Variants in DYM observed in about 807,000 individuals in gnomAD.
DYM encodes the protein dyggve-Melchior-Clausen syndrome protein.
DYM carries 78 observed loss-of-function variants against 93.1 expected under a neutral mutation model. The observed-to-expected ratio is 0.84, with a 90% CI of 0.70 to 1.01. The LOEUF (loss-of-function observed/expected upper bound fraction) is 1.01. DYM is among the 50% of genes least tolerant of loss of function. DYM has a pLI of 0.00. For synonymous variants in DYM, 321 were observed against 319.7 expected (o/e 1.00, Z -0.04); for missense variants, 789 against 845.0 (o/e 0.93, Z 0.82).
intron 16 of DYM, 171 bp downstream of exon 16, chr18:49,118,573 T>C (rs1408607147): frequency 7.6e-6 from 5 of 656,180 alleles, no homozygotes; most frequent in Admixed American, 7.2e-5. Flanking sequence ...TGTGTGTGTA[T>C]ATACAACACA....
chr18:49,269,351 C>T (rs989995577), intron 11 of DYM, among the ~76,000 whole-genome samples: 1 of 152,118 alleles, frequency 6.6e-6, no homozygotes, highest in Non-Finnish European at 1.5e-5. Context: ...CCCTTACACA[C>T]TGTTGGTGGA....
chr18:49,250,244 A>G (rs1334159953), intron 13 of DYM, among the ~76,000 whole-genome samples: 2 of 152,246 alleles, frequency 1.3e-5, no homozygotes, highest in African/African-American at 2.4e-5. Context: ...AGTAATGCAA[A>G]GAAATATAAA....
intron 7 of DYM, 70 bp from the exon 8 acceptor site, chr18:49,332,076 A>C: frequency 2.0e-6 from 3 of 1,479,480 alleles, no homozygotes; most frequent in Non-Finnish European, 2.8e-6. Context: ...AACAATACAG[A>C]AATAATTCTG....
At chr18:49,410,076 G>T (rs955567325) in intron 2 of DYM, among the ~76,000 whole-genome samples, 1 of 152,132 alleles carries the variant, frequency 6.6e-6, no homozygotes, top group African/African-American at 2.4e-5. Context: ...TTGTGTGTGT[G>T]TGTTTTAGAG....
intron 13 of DYM, among the ~76,000 whole-genome samples, chr18:49,235,015 G>A (rs747560234): frequency 1.3e-5 from 2 of 152,166 alleles, no homozygotes; most frequent in Non-Finnish European, 1.5e-5. Context: ...CAACCTTAAT[G>A]AGCCTAGTGG....
chr18:49,211,696 G>T (rs1757370091), intron 13 of DYM, among the ~76,000 whole-genome samples: 1 of 152,080 alleles, frequency 6.6e-6, no homozygotes, highest in Admixed American at 6.5e-5. Context: ...GACAGGGTGG[G>T]GAATGATGTA....
At chr18:49,117,473 G>C (rs1035517911) in intron 16 of DYM, among the ~76,000 whole-genome samples, 7 of 152,030 alleles carry the variant, frequency 4.6e-5, no homozygotes, top group Non-Finnish European at 1.0e-4. Flanking sequence ...ATCTTTATTA[G>C]CCATTTAGAG....
chr18:49,343,951 T>TAAAAAA (rs59054000), intron 6 of DYM, among the ~76,000 whole-genome samples: 2 of 135,348 alleles, frequency 1.5e-5, no homozygotes, highest in Non-Finnish European at 3.2e-5. Flanking sequence ...TACACCACAT[T>TAAAAAA]AAAAAAAAAA....
intron 2 of DYM, among the ~76,000 whole-genome samples, chr18:49,409,428 A>G (rs12604498): frequency 0.091 from 13,904 of 152,212 alleles, 860 homozygotes; most frequent in East Asian, 0.31. Flanking sequence ...ATGAGCCACA[A>G]TTCAGGAGGT....
intron 15 of DYM, among the ~76,000 whole-genome samples, chr18:49,146,745 A>C (rs2085188034): frequency 6.6e-6 from 1 of 152,242 alleles, no homozygotes; most frequent in Non-Finnish European, 1.5e-5. Context: ...AGGAAGAATC[A>C]ATATTGTGAT....
At position 49,441,106 on chromosome 18, in the gene DYM, T is replaced by TATATA. The variant is rs1288316096; in HGVS notation, c.-53-10660_-53-10659insTATAT. ...ATTATATATTATATATAAATATATATTAATATAAATATATTATATATTTAT... is the reference window on the plus strand; with the variant it reads ...ATTATATATTATATATAAATATATATATATATAATATAAATATATTATATATTTAT... On this transcript the variant is annotated intron_variant, in intron 1 of 17. Transcript: ENST00000675505. Among the ~76,000 whole-genome samples, 69 of 8,404 alleles carry TATATA rather than the reference T, an allele frequency of 8.2e-3. 3 individuals carry two copies. The highest frequency in any genetic ancestry group is 0.015 in the Non-Finnish European group (59 of 4,004). The allele number at this position is 8,404 out of a possible 152,430, so 5.5% of individuals were successfully genotyped here. A position where few individuals can be genotyped will look rare whatever the true frequency, so the allele number is the denominator to read the frequency against.
Position 49,233,800 on chromosome 18 carries a change from A to T in DYM, c.1460+23210T>A, listed in dbSNP as rs530557307. On this transcript the variant is annotated intron_variant, in intron 13 of 17. Transcript: ENST00000675505. ...GGTGAATTCTGGATTGCTAGATTGA[A>T]GGTCTCCTGGCAGCTTCTGAGAACC... 5.9e-5 allele frequency among the ~76,000 whole-genome samples: 9 copies of T among 152,284 alleles called. No individual in the cohort carries two copies. In the East Asian group the frequency reaches 1.7e-3, roughly 29 times the overall value.
chr18:49,216,077 A>G (rs1442326900), intron 13 of DYM, among the ~76,000 whole-genome samples: 3 of 152,242 alleles, frequency 2.0e-5, no homozygotes, highest in African/African-American at 7.2e-5. Flanking sequence ...TGGGCTTAAA[A>G]AACGGTGCAC....
At chr18:49,249,706 G>T (rs1377713046) in intron 13 of DYM, among the ~76,000 whole-genome samples, 1 of 151,748 alleles carries the variant, frequency 6.6e-6, no homozygotes, top group East Asian at 1.9e-4. Context: ...GTGTCATCAT[G>T]AGTGCAGGGC....
At chr18:49,443,972 C>T (rs927787083) in intron 1 of DYM, among the ~76,000 whole-genome samples, 1 of 151,902 alleles carries the variant, frequency 6.6e-6, no homozygotes, top group Non-Finnish European at 1.5e-5. Flanking sequence ...GAATATTTTC[C>T]AAAAAATCAA....
At chr18:49,324,408 T>A (rs1198979313) in intron 8 of DYM, among the ~76,000 whole-genome samples, 1 of 152,150 alleles carries the variant, frequency 6.6e-6, no homozygotes, top group East Asian at 1.9e-4. Context: ...TTAGATAAAT[T>A]AGTCAATAAG....
intron 15 of DYM, among the ~76,000 whole-genome samples, chr18:49,152,182 T>G (rs976186379): frequency 6.6e-6 from 1 of 152,222 alleles, no homozygotes; most frequent in Non-Finnish European, 1.5e-5. Flanking sequence ...ATAATTTTTT[T>G]AAAAGTCCTT....
In DYM at chr18:49,056,719, T is replaced by C. The variant is rs926691235; in HGVS notation, c.2026-12515A>G. Among the ~76,000 whole-genome samples the C allele has an allele frequency of 1.7e-3, 240 of 142,058 alleles. 3 individuals are homozygous for C. The East Asian group carries it at 0.021, about 12-fold the overall frequency. The allele number at this position is 142,058 out of a possible 152,430, so 93.2% of individuals were successfully genotyped here. A position where few individuals can be genotyped will look rare whatever the true frequency, so the allele number is the denominator to read the frequency against. On this transcript the variant is annotated intron_variant, in intron 17 of 17. Coordinates refer to ENST00000675505, the MANE Select transcript of DYM (RefSeq NM_001353214.3). ...CAACTGGGTAATTTTTTTTTTTTTT[T>C]TGTATTTTTAGTAGAGACGGGGTTT...
chr18:49,117,008 A>G (rs2145949149), intron 16 of DYM, among the ~76,000 whole-genome samples: 1 of 152,364 alleles, frequency 6.6e-6, no homozygotes, highest in Non-Finnish European at 1.5e-5. Context: ...TCTCACACAC[A>G]TCCTAAATAT....
Sources: allele counts gnomAD v4.1 joint callset (sites outside exome capture counted in the v4.1 genomes callset), GRCh38; gene constraint gnomAD v4.1.1; transcripts MANE v1.5; gene names NCBI Gene and HGNC (gene_info 2026-07-23, HGNC 2026-07-21).